The following DNAJC1 variants were observed in gnomAD, a reference collection of about 807,000 sequenced individuals.
The protein encoded by DNAJC1 is DnaJ heat shock protein family (Hsp40) member C1.
Under a neutral mutation model 76.6 loss-of-function variants are expected in DNAJC1, and 58 were observed. The observed-to-expected ratio is 0.76, with a 90% CI of 0.61 to 0.94. DNAJC1 has a LOEUF of 0.94. Among genes scored for constraint, DNAJC1 ranks in the 40% least tolerant of loss-of-function variants. DNAJC1 has a pLI of 0.00. For missense variants in DNAJC1, 689 were observed against 677.3 expected, an observed-to-expected ratio of 1.02 and a Z score of -0.19; for synonymous variants, 258 against 267.9, an observed-to-expected ratio of 0.96 and a Z score of 0.36.
intron 8 of DNAJC1, among the ~76,000 whole-genome samples, chr10:21,864,359 T>C (rs911376147): frequency 1.6e-4 from 25 of 151,964 alleles, no homozygotes; most frequent in Non-Finnish European, 2.9e-5. Context: ...CAGTGGCTCA[T>C]GCCTGTAATC....
rs200112509 is a variant in DNAJC1 at position 21,872,818 on chromosome 10, A to C, written c.978+9464T>G. 3.3e-5 allele frequency among the ~76,000 whole-genome samples: 5 copies of C among 152,330 alleles called. No individual in the cohort carries two copies. In the East Asian group the frequency reaches 9.7e-4, roughly 29 times the overall value. Reference sequence around the variant, plus strand: ...AAAATTTGAAGCTCAATGAACTCCAAGCAGGATAAATTCCAATGGACCTAA... The same window carrying C: ...AAAATTTGAAGCTCAATGAACTCCACGCAGGATAAATTCCAATGGACCTAA... On this transcript the variant is annotated intron_variant, in intron 8 of 11. Transcript: ENST00000376980.
At chr10:21,952,887 A>C (rs764995597) in intron 1 of DNAJC1, among the ~76,000 whole-genome samples, 1 of 152,100 alleles carries the variant, frequency 6.6e-6, no homozygotes, top group Non-Finnish European at 1.5e-5. Context: ...AAAAATCACT[A>C]TTCTTTCTTT....
chr10:21,835,669 C>T (rs1225925512), intron 8 of DNAJC1, among the ~76,000 whole-genome samples: 2 of 152,126 alleles, frequency 1.3e-5, no homozygotes, highest in Non-Finnish European at 2.9e-5. Flanking sequence ...ACGAGAGCTA[C>T]GTGACGAATG....
rs376764356 is a variant in DNAJC1, at chr10:21,793,659, A to G, written c.1098+12321T>C. On this transcript the variant is annotated intron_variant, in intron 9 of 11. Transcript: ENST00000376980. ...ATTTGAAAGTGTAATTAAGAAAACA[A>G]TTCTGGCTGGGCGCAGTGGCTCACA... is the stretch of plus-strand genomic sequence containing the variant. Among the ~76,000 whole-genome samples the G allele has an allele frequency of 6.6e-5, 10 of 152,334 alleles. No homozygotes were observed. In the East Asian group the frequency reaches 1.9e-3, roughly 29 times the overall value.
At chr10:21,889,298 A>C (rs1836422567) in intron 7 of DNAJC1, among the ~76,000 whole-genome samples, 1 of 152,138 alleles carries the variant, frequency 6.6e-6, no homozygotes, top group Non-Finnish European at 1.5e-5. Flanking sequence ...GGGATTTGCT[A>C]AACCATTCAT....
intron 8 of DNAJC1, among the ~76,000 whole-genome samples, chr10:21,810,963 G>A (rs559146481): frequency 6.6e-6 from 1 of 152,242 alleles, no homozygotes; most frequent in East Asian, 1.9e-4. Context: ...GCCTCCAAAG[G>A]GACCCAATAC....
At chr10:21,999,780 A>G (rs1481875685) in intron 1 of DNAJC1, among the ~76,000 whole-genome samples, 1 of 152,088 alleles carries the variant, frequency 6.6e-6, no homozygotes, top group Non-Finnish European at 1.5e-5. Context: ...TGGAATCCCC[A>G]AGGCTTATTA....
intron 1 of DNAJC1, among the ~76,000 whole-genome samples, chr10:21,978,542 C>T (rs761430810): frequency 1.4e-4 from 22 of 152,120 alleles, no homozygotes; most frequent in Non-Finnish European, 2.4e-4. Flanking sequence ...ATGTGGCAGT[C>T]TATCAGTTGA....
intron 1 of DNAJC1, among the ~76,000 whole-genome samples, chr10:21,960,486 A>G (rs1436138972): frequency 6.6e-6 from 1 of 152,188 alleles, no homozygotes; most frequent in Admixed American, 6.5e-5. Context: ...CTGAGATAGG[A>G]GCATTACTTG....
intron 3 of DNAJC1, among the ~76,000 whole-genome samples, chr10:21,927,403 G>T (rs1242028822): frequency 6.6e-6 from 1 of 152,212 alleles, no homozygotes; most frequent in Non-Finnish European, 1.5e-5. Flanking sequence ...TTATAGGGTT[G>T]TCTGGAGATG....
At chr10:21,803,405 A>C (rs766265327) in intron 9 of DNAJC1, among the ~76,000 whole-genome samples, 29 of 152,264 alleles carry the variant, frequency 1.9e-4, no homozygotes, top group Non-Finnish European at 3.5e-4. Context: ...AAACAAATCT[A>C]ATTAACACCA....
intron 9 of DNAJC1, among the ~76,000 whole-genome samples, chr10:21,793,166 C>T (rs1284538106): frequency 6.6e-6 from 1 of 152,044 alleles, no homozygotes; most frequent in East Asian, 1.9e-4. Flanking sequence ...ATTAGCTGGG[C>T]GTGGTGGTGA....
Position 22,003,095 on chromosome 10 carries a change from AG to A in DNAJC1, c.222+117del, listed in dbSNP as rs1344171600. ...GACCCCGGTGACCCGAGCTGAGGGCAGCCAGAGCCCGGGGTGACCAAGCCCT... is the reference window on the plus strand; with the variant it reads ...GACCCCGGTGACCCGAGCTGAGGGCACCAGAGCCCGGGGTGACCAAGCCCT... On this transcript the variant is annotated intron_variant, in intron 1 of 11. Coordinates refer to ENST00000376980, the MANE Select transcript of DNAJC1 (RefSeq NM_022365.4). 2.6e-5 allele frequency: 34 copies of A among 1,330,450 alleles called. 2 individuals carry two copies. The South Asian group carries it at 6.8e-4, about 26-fold the overall frequency. 82.4% of individuals were successfully genotyped at this position (1,330,450 alleles called of 1,614,324 possible).
In DNAJC1 at chr10:21,927,986, T is replaced by C. The variant is rs191289482; in HGVS notation, c.371+520A>G. ...AAGGAAGGGAAGGAGGCAAAAGAAA[T>C]AGATGCAAGAGGCAAAGTTTTCTTT... is the stretch of plus-strand genomic sequence containing the variant. On this transcript the variant is annotated intron_variant, in intron 3 of 11. Coordinates refer to ENST00000376980, the MANE Select transcript of DNAJC1 (RefSeq NM_022365.4). Among the ~76,000 whole-genome samples the C allele has an allele frequency of 2.7e-3, 417 of 152,206 alleles. 2 individuals are homozygous for C. The Middle Eastern group carries it at 0.041, about 15-fold the overall frequency.
At chr10:21,903,459 A>G (rs796906043) in intron 7 of DNAJC1, among the ~76,000 whole-genome samples, 16 of 152,270 alleles carry the variant, frequency 1.1e-4, no homozygotes, top group African/African-American at 3.9e-4. Context: ...GTTGATCTGA[A>G]TATTATTTTG....
chr10:21,906,713 T>C (rs958659644), intron 6 of DNAJC1, among the ~76,000 whole-genome samples: 3 of 152,176 alleles, frequency 2.0e-5, no homozygotes, highest in Non-Finnish European at 2.9e-5. Context: ...CTATGTGACA[T>C]TCAGAAAATT....
intron 6 of DNAJC1, among the ~76,000 whole-genome samples, chr10:21,907,210 C>T (rs1209026928): frequency 1.3e-5 from 2 of 152,176 alleles, no homozygotes; most frequent in African/African-American, 4.8e-5. Context: ...CCCTAACCTA[C>T]TCTACTTAAT....
At chr10:21,803,605 G>C (rs1164475865) in intron 9 of DNAJC1, among the ~76,000 whole-genome samples, 3 of 151,014 alleles carry the variant, frequency 2.0e-5, no homozygotes, top group Non-Finnish European at 4.4e-5. Flanking sequence ...GTGTGTGTGT[G>C]TGTGTGTGTG....
intron 10 of DNAJC1, among the ~76,000 whole-genome samples, chr10:21,761,797 TC>T (rs1476824999): frequency 6.6e-6 from 1 of 152,208 alleles, no homozygotes; most frequent in Non-Finnish European, 1.5e-5. Context: ...TCACTAAAGT[TC>T]CAGGTCCTAG....
Sources: gnomAD v4.1 joint callset for allele counts (sites outside exome capture counted in the v4.1 genomes callset) on GRCh38, gnomAD v4.1.1 for gene constraint, MANE v1.5 for transcripts, NCBI Gene and HGNC (gene_info 2026-07-23, HGNC 2026-07-21) for gene names.